Variants in PLCG2 observed in about 807,000 individuals in gnomAD.
The protein encoded by PLCG2 is phospholipase C gamma 2.
PLCG2 carries 69 observed loss-of-function variants against 175.6 expected under a neutral mutation model. The observed-to-expected ratio is 0.39, with a 90% CI of 0.32 to 0.48. PLCG2 has a LOEUF of 0.48. Among genes scored for constraint, PLCG2 ranks in the 20% least tolerant of loss-of-function variants. PLCG2 has a pLI of 0.91. For missense variants in PLCG2, 1,798 were observed against 1,650.9 expected, an observed-to-expected ratio of 1.09 and a Z score of -1.54; for synonymous variants, 827 against 624.0, an observed-to-expected ratio of 1.33 and a Z score of -4.85.
At position 81,812,072 on chromosome 16, in the gene PLCG2, C is replaced by T. The variant is rs1303862989; in HGVS notation, c.193+25890C>T. 7.4e-4 allele frequency among the ~76,000 whole-genome samples: 72 copies of T among 97,056 alleles called. 1 individual carries two copies. The highest frequency in any genetic ancestry group is 1.3e-3 in the Admixed American group (10 of 7,970). The allele number at this position is 97,056 out of a possible 152,430, so 63.7% of individuals were successfully genotyped here. On this transcript the variant is annotated intron_variant, in intron 2 of 32. Transcript: ENST00000564138. ...TTTTTTTTTTTTTTTTTTTTTGAGA[C>T]GGAGTCTTGCTCTTTTGCCCAGGCT...
chr16:81,743,242 T>C (rs1909633338), intron 1 of PLCG2, among the ~76,000 whole-genome samples: 1 of 152,190 alleles, frequency 6.6e-6, no homozygotes, highest in South Asian at 2.1e-4. Flanking sequence ...TCACAGCTAC[T>C]AGCGAGGCTA....
chr16:81,797,508 A>T lies in PLCG2; in HGVS notation c.193+11326A>T, dbSNP rs572311956. On this transcript the variant is annotated intron_variant, in intron 2 of 32. Coordinates refer to ENST00000564138, the MANE Select transcript of PLCG2 (RefSeq NM_002661.5). ...CTTCGGTAGTCCTGACCCACAGACT[A>T]AGAGTGCTGGGAGGCCAGGGACCCT... 2.0e-5 allele frequency among the ~76,000 whole-genome samples: 3 copies of T among 152,334 alleles called. No individual in the cohort carries two copies. In the South Asian group the frequency reaches 6.2e-4, roughly 32 times the overall value.
At position 81,958,280 on chromosome 16, in the gene PLCG2, CA is replaced by C; in HGVS notation, c.*284del. 1 of 442,160 alleles carries C rather than the reference CA, an allele frequency of 2.3e-6. No individual in the cohort carries two copies. Among genetic ancestry groups the C allele is most frequent in the Non-Finnish European group, 4.1e-6 (1 of 245,398 alleles). The allele number at this position is 442,160 out of a possible 1,614,324, so 27.4% of individuals were successfully genotyped here. On this transcript the variant is annotated 3_prime_UTR_variant, in exon 33 of 33. Coordinates refer to ENST00000564138, the MANE Select transcript of PLCG2 (RefSeq NM_002661.5). ...TGTTCCAAACCTCATTGAATAAAAG[CA>C]ATGAAAACCTTGATCAATTAAGCCT...
intron 13 of PLCG2, chr16:81,897,888 C>A: frequency 2.2e-6 from 1 of 455,390 alleles, no homozygotes; most frequent in Middle Eastern, 3.3e-4. Flanking sequence ...GTCCCTTGAG[C>A]TGGGTGGAGG....
chr16:81,804,253 G>A (rs180930348), intron 2 of PLCG2, among the ~76,000 whole-genome samples: 12 of 152,332 alleles, frequency 7.9e-5, no homozygotes, highest in South Asian at 2.1e-4. Context: ...CCTAGTGGAG[G>A]TGAAGTGTTA....
intron 19 of PLCG2, among the ~76,000 whole-genome samples, chr16:81,918,437 G>A (rs533084153): frequency 3.6e-4 from 55 of 152,182 alleles, no homozygotes; most frequent in Admixed American, 1.8e-3. Context: ...TTCTATATAG[G>A]AATTTATTTC....
chr16:81,776,101 T>TTTTCTTTCATTCTTTCTTTCTTTC (rs770091973), upstream of PLCG2, among the ~76,000 whole-genome samples: 2 of 55,310 alleles, frequency 3.6e-5, no homozygotes, highest in African/African-American at 5.7e-5. Flanking sequence ...TTCTTTCTTT[T>TTTTCTTTCATTCTTTCTTTCTTTC]TTTCCTTCTT....
chr16:81,867,928 T>C (rs962654788), intron 5 of PLCG2, among the ~76,000 whole-genome samples: 1 of 152,164 alleles, frequency 6.6e-6, no homozygotes, highest in Non-Finnish European at 1.5e-5. Context: ...CTCGATCCTC[T>C]GACCTCGTGA....
rs13330508 is a variant in PLCG2 at position 81,962,369 on chromosome 16, A to G, written c.*4371A>G. On this transcript the variant is annotated 3_prime_UTR_variant, in exon 33 of 33. Coordinates refer to ENST00000564138, the MANE Select transcript of PLCG2 (RefSeq NM_002661.5). The stretch of plus-strand genomic sequence containing the variant: ...TAGATTTGGAATTATACAGAATTAG[A>G]AAATTGGCATTTAAAAATACTCAAT... 0.032 allele frequency: 6,688 copies of G among 209,312 alleles called. 410 individuals are homozygous for G. The highest frequency in any genetic ancestry group is 0.14 in the African/African-American group (6,101 of 44,176). 13.0% of individuals were successfully genotyped at this position (209,312 alleles called of 1,614,324 possible). A position where few individuals can be genotyped will look rare whatever the true frequency, so the allele number is the denominator to read the frequency against.
At chr16:81,777,562 A>C (rs1005132390), upstream of PLCG2, among the ~76,000 whole-genome samples, 2 of 152,066 alleles carry the variant, frequency 1.3e-5, no homozygotes, top group Non-Finnish European at 2.9e-5. Context: ...AGATCTCTTT[A>C]AAAAATTGAT....
intron 2 of PLCG2, chr16:81,767,886 G>A (rs539156229): frequency 1.3e-5 from 2 of 151,994 alleles, no homozygotes; most frequent in South Asian, 2.1e-4. Flanking sequence ...TGTCTTTTTT[G>A]GGGGGAGTCG....
chr16:81,827,551 C>A (rs544628898), intron 2 of PLCG2, among the ~76,000 whole-genome samples: 6 of 152,002 alleles, frequency 3.9e-5, no homozygotes, highest in African/African-American at 1.2e-4. Flanking sequence ...AACATAAATA[C>A]CTGCAGGCAG....
chr16:81,920,584 A>G (rs992742579), intron 20 of PLCG2, among the ~76,000 whole-genome samples: 1 of 152,130 alleles, frequency 6.6e-6, no homozygotes, highest in Non-Finnish European at 1.5e-5. Context: ...AGTGAATGGG[A>G]TCTGGGGAGA....
At chr16:81,787,988 T>G (rs1911059511) in intron 2 of PLCG2, among the ~76,000 whole-genome samples, 1 of 152,236 alleles carries the variant, frequency 6.6e-6, no homozygotes, top group South Asian at 2.1e-4. Flanking sequence ...CTTGGGTTGT[T>G]GCCACCTTTT....
chr16:81,809,337 G>C (rs1904298455), intron 2 of PLCG2, among the ~76,000 whole-genome samples: 1 of 152,110 alleles, frequency 6.6e-6, no homozygotes, highest in Admixed American at 6.5e-5. Context: ...GGAATCGGCA[G>C]ATCAATACCC....
chr16:81,828,338 C>G (rs1179803794), intron 2 of PLCG2, among the ~76,000 whole-genome samples: 1 of 135,024 alleles, frequency 7.4e-6, no homozygotes, highest in Non-Finnish European at 1.6e-5. Flanking sequence ...CTCCGCCTCC[C>G]AAGTACACGC....
intron 5 of PLCG2, among the ~76,000 whole-genome samples, chr16:81,866,209 C>T (rs1400894762): frequency 8.5e-6 from 1 of 117,720 alleles, no homozygotes; most frequent in African/African-American, 3.5e-5. Flanking sequence ...CACTGGGGCA[C>T]CAGCATGAGA....
chr16:81,822,761 C>CAAAAAA (rs59970301), intron 2 of PLCG2, among the ~76,000 whole-genome samples: 1,064 of 69,754 alleles, frequency 0.015, 157 homozygotes, highest in African/African-American at 0.043. Flanking sequence ...GACTCCATCT[C>CAAAAAA]AAAAAAAAAA....
At chr16:81,767,004 C>G (rs147175278) in intron 2 of PLCG2, 2 of 152,338 alleles carry the variant, frequency 1.3e-5, no homozygotes, top group East Asian at 3.9e-4. Context: ...TCAAGGAACA[C>G]TTGGTGAGCC....
Sources: allele counts gnomAD v4.1 joint callset (sites outside exome capture counted in the v4.1 genomes callset), GRCh38; gene constraint gnomAD v4.1.1; transcripts MANE v1.5; gene names NCBI Gene and HGNC (gene_info 2026-07-23, HGNC 2026-07-21).